Variants in LRRC40 observed in about 807,000 individuals in gnomAD.
The protein encoded by LRRC40 is leucine rich repeat containing 40, also known as leucine-rich repeat-containing protein 40.
Under a neutral mutation model 72.8 loss-of-function variants are expected in LRRC40, and 76 were observed. The observed-to-expected ratio is 1.04, with a 90% CI of 0.87 to 1.26. The LOEUF is 1.26. Ranked by LOEUF, LRRC40 falls within the 50% of genes most tolerant of loss-of-function variation. The pLI is 0.00. For synonymous variants in LRRC40, 243 were observed against 254.2 expected (o/e 0.96, Z 0.42); for missense variants, 684 against 698.9 (o/e 0.98, Z 0.24).
At chr1:70,172,428 G>A (rs1668019326) in intron 9 of LRRC40, among the ~76,000 whole-genome samples, 1 of 151,820 alleles carries the variant, frequency 6.6e-6, no homozygotes, top group Non-Finnish European at 1.5e-5. Flanking sequence ...TTTTCTTTTT[G>A]TGGGGTTTCT....
rs775650989 is a variant in LRRC40, at chr1:70,148,616, A to T, written c.1574T>A (p.Ile525Asn). 5.6e-6 allele frequency: 9 copies of T among 1,612,978 alleles called. No homozygotes were observed. Among genetic ancestry groups the T allele is most frequent in the East Asian group, 2.2e-5 (1 of 44,798 alleles). ...YRIFTLETILISNNQVGSVDP... is the reference protein window; with the variant it reads ...YRIFTLETILNSNNQVGSVDP... ...CACAGATCCAACCTGATTATTACTA[A>T]TCAGAATTGTTTCAAGTGTGAAGAT... The change falls in exon 14 of 15, where the codon ATT (isoleucine) becomes AAT (asparagine). Residue 525 changes from isoleucine (I) to asparagine (N), a missense_variant. Transcript: ENST00000370952.
chr1:70,171,039 A>G (rs950512596), intron 9 of LRRC40, among the ~76,000 whole-genome samples: 1 of 152,178 alleles, frequency 6.6e-6, no homozygotes, highest in East Asian at 1.9e-4. Context: ...CTGATGGTAG[A>G]AAAATAAACC....
intron 9 of LRRC40, among the ~76,000 whole-genome samples, chr1:70,161,559 AAAAAG>A (rs1191411509): frequency 1.3e-5 from 2 of 151,860 alleles, no homozygotes; most frequent in Non-Finnish European, 2.9e-5. Context: ...AAAAAAAAAA[AAAAAG>A]AAAGAAAGAA....
intron 1 of LRRC40, among the ~76,000 whole-genome samples, chr1:70,194,508 A>G (rs1239657294): frequency 6.6e-6 from 1 of 152,104 alleles, no homozygotes; most frequent in Non-Finnish European, 1.5e-5. Flanking sequence ...CTTCTCCCCA[A>G]GTGACTTATA....
At chr1:70,175,695 T>C in intron 7 of LRRC40, 115 bp downstream of exon 7, 2 of 704,912 alleles carry the variant, frequency 2.8e-6, no homozygotes, top group Non-Finnish European at 4.5e-6. Flanking sequence ...TCAATCAATA[T>C]TTAGTGAATT....
intron 13 of LRRC40, among the ~76,000 whole-genome samples, chr1:70,150,042 C>G (rs1008187026): frequency 3.3e-5 from 5 of 152,088 alleles, no homozygotes; most frequent in Admixed American, 6.5e-5. Flanking sequence ...CTGCCTCAGC[C>G]TCCTGAGTAG....
intron 6 of LRRC40, among the ~76,000 whole-genome samples, chr1:70,176,944 C>G (rs369247169): frequency 6.6e-6 from 1 of 152,094 alleles, no homozygotes; most frequent in Admixed American, 6.6e-5. Context: ...ATACAACTTA[C>G]AGAGAAATGT....
At chr1:70,180,137 G>T (rs1668209665) in intron 5 of LRRC40, 1 of 151,444 alleles carries the variant, frequency 6.6e-6, no homozygotes, top group South Asian at 2.1e-4. Context: ...TTTATTTTTT[G>T]AGAGAGAGAG....
intron 2 of LRRC40, among the ~76,000 whole-genome samples, chr1:70,187,721 C>A (rs1369951574): frequency 2.0e-5 from 3 of 151,994 alleles, no homozygotes; most frequent in Non-Finnish European, 4.4e-5. Flanking sequence ...GCCCCATCTA[C>A]TCAGAAGGCT....
chr1:70,150,972 A>C (rs1265458244), intron 13 of LRRC40, among the ~76,000 whole-genome samples, 156 bp downstream of exon 13: 1 of 152,232 alleles, frequency 6.6e-6, no homozygotes. Context: ...CTAAGAAAAT[A>C]ATATTTTTAA....
rs552598033 is a variant in LRRC40 at position 70,196,633 on chromosome 1, G to A, written c.152-7360C>T. 1.9e-3 allele frequency among the ~76,000 whole-genome samples: 281 copies of A among 148,260 alleles called. 3 individuals are homozygous for A. Among genetic ancestry groups the A allele is most frequent in the African/African-American group, 6.6e-3 (267 of 40,522 alleles). ...ATTCTAAACAAAAGAAGCCCTAAGC[G>A]AAAAAAAAAATTGCAAATGTATTAT... On this transcript the variant is annotated intron_variant, in intron 1 of 14. Transcript: ENST00000370952.
At chr1:70,165,943 T>G (rs1048621295) in intron 9 of LRRC40, among the ~76,000 whole-genome samples, 4 of 152,188 alleles carry the variant, frequency 2.6e-5, no homozygotes, top group African/African-American at 9.7e-5. Context: ...TTATTACCTA[T>G]AAATAATAAA....
intron 9 of LRRC40, among the ~76,000 whole-genome samples, chr1:70,161,339 C>A (rs1364610294): frequency 6.6e-6 from 1 of 152,000 alleles, no homozygotes. Flanking sequence ...CTGCCTTGGC[C>A]TCCCAAAGTG....
intron 11 of LRRC40, among the ~76,000 whole-genome samples, chr1:70,153,972 C>CAAAAAAAA (rs1042976831): frequency 3.4e-5 from 2 of 58,182 alleles, no homozygotes; most frequent in East Asian, 4.3e-4. Flanking sequence ...GATCCTGTCT[C>CAAAAAAAA]AAAAAAAAAA....
intron 4 of LRRC40, among the ~76,000 whole-genome samples, chr1:70,181,949 C>T (rs944570977): frequency 4.6e-5 from 7 of 151,938 alleles, no homozygotes; most frequent in Admixed American, 2.6e-4. Context: ...AATTGCTCCA[C>T]TACATAACAG....
chr1:70,181,013 T>C (rs269280), intron 5 of LRRC40, 73 bp downstream of exon 5: 3 of 1,128,946 alleles, frequency 2.7e-6, no homozygotes, highest in African/African-American at 1.6e-5. Context: ...TGTAACTATA[T>C]TAAAAATTAC....
chr1:70,185,174 T>C (rs1340867339), intron 3 of LRRC40, among the ~76,000 whole-genome samples: 1 of 152,226 alleles, frequency 6.6e-6, no homozygotes, highest in African/African-American at 2.4e-5. Flanking sequence ...TGTGATGTTT[T>C]GATTGCATGC....
rs529941587 is a variant in LRRC40 at position 70,168,062 on chromosome 1, C to T, written c.1111+5403G>A. ...CTAGGTCAGAGAGGCAGAAACTCCA[C>T]TCCAGAAGGCTACAACTGAGAACAC... On this transcript the variant is annotated intron_variant, in intron 9 of 14. Coordinates refer to ENST00000370952, the MANE Select transcript of LRRC40 (RefSeq NM_017768.5). 2.2e-4 allele frequency among the ~76,000 whole-genome samples: 34 copies of T among 152,302 alleles called. 1 individual carries two copies. The South Asian group carries it at 6.4e-3, about 29-fold the overall frequency.
At chr1:70,196,606 T>C (rs533303390) in intron 1 of LRRC40, among the ~76,000 whole-genome samples, 1 of 151,910 alleles carries the variant, frequency 6.6e-6, no homozygotes, top group African/African-American at 2.4e-5. Context: ...CTCAAAAACA[T>C]GATTCTAAAC....
Sources: allele counts gnomAD v4.1 joint callset (sites outside exome capture counted in the v4.1 genomes callset), GRCh38; gene constraint gnomAD v4.1.1; transcripts MANE v1.5; gene names NCBI Gene and HGNC (gene_info 2026-07-23, HGNC 2026-07-21).